GRID2: variants seen among roughly 807,000 people sequenced by gnomAD.
The protein encoded by GRID2 is glutamate ionotropic receptor delta type subunit 2, also known as glutamate receptor ionotropic, delta-2.
Under a neutral mutation model 114.8 loss-of-function variants are expected in GRID2, and 33 were observed. The observed-to-expected ratio is 0.29, with a 90% confidence interval of 0.22 to 0.38. GRID2 has a LOEUF of 0.38. Ranked by LOEUF, GRID2 falls within the 10% of genes least tolerant of loss-of-function variation. GRID2 has a pLI of 1.00. For missense variants in GRID2, 1,184 were observed against 1,257.7 expected (o/e 0.94, Z 0.89); for synonymous variants, 505 against 449.9 (o/e 1.12, Z -1.55).
At chr4:92,821,257 T>C (rs1741262710) in intron 2 of GRID2, among the ~76,000 whole-genome samples, 1 of 152,108 alleles carries the variant, frequency 6.6e-6, no homozygotes, top group Admixed American at 6.6e-5. Context: ...TGGAGCAAAA[T>C]GCGACATTAA....
chr4:92,989,695 A>C (rs919727307), intron 2 of GRID2, among the ~76,000 whole-genome samples: 4 of 152,164 alleles, frequency 2.6e-5, no homozygotes, highest in African/African-American at 9.6e-5. Flanking sequence ...ATTACACACC[A>C]ATATATGCAT....
intron 2 of GRID2, among the ~76,000 whole-genome samples, chr4:92,960,054 C>G (rs1401733223): frequency 6.6e-6 from 1 of 151,778 alleles, no homozygotes; most frequent in Non-Finnish European, 1.5e-5. Flanking sequence ...TGTTTAATTT[C>G]TATCTATTTT....
chr4:92,829,427 T>C (rs1221503988), intron 2 of GRID2, among the ~76,000 whole-genome samples: 2 of 152,006 alleles, frequency 1.3e-5, no homozygotes, highest in Non-Finnish European at 2.9e-5. Flanking sequence ...CATTTAAAAG[T>C]CAGGAAACAA....
intron 2 of GRID2, among the ~76,000 whole-genome samples, chr4:92,631,167 A>G (rs968711083): frequency 6.6e-6 from 1 of 152,160 alleles, no homozygotes; most frequent in African/African-American, 2.4e-5. Context: ...AATAAAAATC[A>G]TGCTTTAGAT....
At chr4:92,685,849 G>A (rs937479457) in intron 2 of GRID2, among the ~76,000 whole-genome samples, 3 of 151,922 alleles carry the variant, frequency 2.0e-5, no homozygotes, top group African/African-American at 7.2e-5. Context: ...TTTTGAAAAT[G>A]CTAATCTATT....
intron 2 of GRID2, among the ~76,000 whole-genome samples, chr4:92,666,737 T>C (rs1231937445): frequency 6.7e-6 from 1 of 149,434 alleles, no homozygotes; most frequent in Non-Finnish European, 1.5e-5. Context: ...TCCCGTATTT[T>C]CAGGTGCTGT....
At chr4:92,336,159 T>C (rs1447826353) in intron 1 of GRID2, among the ~76,000 whole-genome samples, 1 of 152,192 alleles carries the variant, frequency 6.6e-6, no homozygotes, top group African/African-American at 2.4e-5. Flanking sequence ...TGTTCTGGCT[T>C]CATGTATGCT....
At chr4:93,614,314 A>T (rs1232765187) in intron 13 of GRID2, among the ~76,000 whole-genome samples, 1 of 151,886 alleles carries the variant, frequency 6.6e-6, no homozygotes, top group Non-Finnish European at 1.5e-5. Flanking sequence ...AGCTGTTCCT[A>T]TTCGGCCATC....
intron 8 of GRID2, among the ~76,000 whole-genome samples, chr4:93,256,589 C>T (rs554917190): frequency 6.6e-6 from 1 of 151,358 alleles, no homozygotes; most frequent in South Asian, 2.1e-4. Flanking sequence ...ATAGCATCAT[C>T]CAAAGGTTTT....
chr4:93,123,346 A>G (rs1407493716), intron 4 of GRID2, among the ~76,000 whole-genome samples: 1 of 152,220 alleles, frequency 6.6e-6, no homozygotes, highest in Non-Finnish European at 1.5e-5. Flanking sequence ...ACAAGAAAAT[A>G]TCTGAATATT....
At chr4:93,390,399 A>G (rs1193304660) in intron 8 of GRID2, among the ~76,000 whole-genome samples, 1 of 152,210 alleles carries the variant, frequency 6.6e-6, no homozygotes, top group Non-Finnish European at 1.5e-5. Flanking sequence ...AATAATAACA[A>G]ACATTTCTTT....
chr4:93,056,683 G>A lies in GRID2; in HGVS notation c.245-28312G>A, dbSNP rs183214310. Among the ~76,000 whole-genome samples, 215 of 151,328 alleles carry A rather than the reference G, an allele frequency of 1.4e-3. 1 individual carries two copies. The highest frequency in any genetic ancestry group is 5.0e-3 in the African/African-American group (208 of 41,302). On this transcript the variant is annotated intron_variant, in intron 2 of 15. Transcript: ENST00000282020. ...AGAGTATTAATTTCCAGTTATATTC[G>A]TGCATGATAAATATATGTTTCTCAT...
intron 14 of GRID2, among the ~76,000 whole-genome samples, chr4:93,751,421 T>C (rs1732308337): frequency 6.6e-6 from 1 of 151,250 alleles, no homozygotes; most frequent in South Asian, 2.1e-4. Flanking sequence ...AGTGAACTCT[T>C]TTATTCCTCT....
At chr4:92,718,114 A>T (rs931369484) in intron 2 of GRID2, among the ~76,000 whole-genome samples, 2 of 152,120 alleles carry the variant, frequency 1.3e-5, no homozygotes, top group African/African-American at 2.4e-5. Flanking sequence ...TTTTAATCAC[A>T]TGTGTAATCA....
intron 1 of GRID2, among the ~76,000 whole-genome samples, chr4:92,387,472 C>T (rs1176268732): frequency 6.6e-6 from 1 of 151,932 alleles, no homozygotes; most frequent in Non-Finnish European, 1.5e-5. Flanking sequence ...CAATATGCTC[C>T]TTAATGACCA....
At chr4:92,526,222 A>AT (rs35991312) in intron 1 of GRID2, among the ~76,000 whole-genome samples, 54,179 of 151,928 alleles carry the variant, frequency 0.36, 9,967 homozygotes, top group South Asian at 0.44. Context: ...AATTCATTAG[A>AT]TTTTTTCCCA....
intron 2 of GRID2, among the ~76,000 whole-genome samples, chr4:93,003,194 C>T (rs1721180312): frequency 6.6e-6 from 1 of 151,806 alleles, no homozygotes; most frequent in Admixed American, 6.6e-5. Flanking sequence ...TACAAACTGC[C>T]AGTCTATAGA....
intron 13 of GRID2, among the ~76,000 whole-genome samples, chr4:93,621,174 A>T (rs574593345): frequency 6.6e-6 from 1 of 152,296 alleles, no homozygotes; most frequent in East Asian, 1.9e-4. Flanking sequence ...AGAAATGGGA[A>T]CAAAACCTAG....
At chr4:93,411,405 G>A (rs1274323925) in intron 9 of GRID2, among the ~76,000 whole-genome samples, 1 of 151,338 alleles carries the variant, frequency 6.6e-6, no homozygotes, top group Non-Finnish European at 1.5e-5. Context: ...TTAGCAATAT[G>A]CAAATGAGTA....
Sources: allele counts gnomAD v4.1 joint callset (sites outside exome capture counted in the v4.1 genomes callset), GRCh38; gene constraint gnomAD v4.1.1; transcripts MANE v1.5; gene names NCBI Gene and HGNC (gene_info 2026-07-23, HGNC 2026-07-21).